Variants in ERICH6 observed in about 807,000 individuals in gnomAD.
ERICH6 encodes the protein glutamate rich 6.
A neutral mutation model predicts 71.0 loss-of-function variants in ERICH6; 71 were observed. The ratio of observed to expected loss-of-function variants is 1.00; its 90% CI spans 0.83 to 1.22. ERICH6 has a LOEUF of 1.22. ERICH6 is among the 50% of genes most tolerant of loss of function. The pLI is 0.00. For missense variants in ERICH6, 808 were observed against 797.2 expected (o/e 1.01, Z -0.16); for synonymous variants, 262 against 278.4 (o/e 0.94, Z 0.59).
intron 3 of ERICH6, among the ~76,000 whole-genome samples, chr3:150,692,039 C>T (rs1712459367): frequency 6.6e-6 from 1 of 152,146 alleles, no homozygotes; most frequent in Non-Finnish European, 1.5e-5. Flanking sequence ...TTCAGTTTCT[C>T]TTTAATCATC....
chr3:150,671,122 G>A (rs988358462), intron 11 of ERICH6, among the ~76,000 whole-genome samples: 1 of 152,006 alleles, frequency 6.6e-6, no homozygotes, highest in Non-Finnish European at 1.5e-5. Context: ...TTTTAGGTCA[G>A]GTAAATTATT....
At position 150,694,001 on chromosome 3, in the gene ERICH6, C is replaced by T. The variant is rs530730478; in HGVS notation, c.553+4790G>A. On this transcript the variant is annotated intron_variant, in intron 3 of 13. Transcript: ENST00000295910. Reference sequence around the variant, plus strand: ...GAAGAAAATAACAACAACCTATTTACATACATAAGCCACTTTCATACCTGC... The same window carrying T: ...GAAGAAAATAACAACAACCTATTTATATACATAAGCCACTTTCATACCTGC... Among the ~76,000 whole-genome samples, 46 of 152,268 alleles carry T rather than the reference C, an allele frequency of 3.0e-4. 1 individual carries two copies. Among genetic ancestry groups the T allele is most frequent in the African/African-American group, 1.1e-3 (45 of 41,560 alleles).
chr3:150,663,017 G>A (rs982385889), intron 13 of ERICH6, among the ~76,000 whole-genome samples: 3 of 152,132 alleles, frequency 2.0e-5, no homozygotes, highest in African/African-American at 7.2e-5. Flanking sequence ...CAGAGAAAGA[G>A]GTCCAGATTG....
chr3:150,683,515 G>C (rs903654162), intron 6 of ERICH6, among the ~76,000 whole-genome samples: 6 of 152,024 alleles, frequency 3.9e-5, no homozygotes, highest in African/African-American at 1.2e-4. Flanking sequence ...CTGTAATCCC[G>C]CACTTTGGGA....
Position 150,669,471 on chromosome 3 carries a change from T to C in ERICH6, c.1344-20A>G, listed in dbSNP as rs755663375. The C allele has an allele frequency of 1.2e-6, 2 of 1,609,432 alleles. No individual in the cohort carries two copies. The highest frequency in any genetic ancestry group is 2.2e-5 in the East Asian group (1 of 44,796). ...GGATAGCTGAGATCAGATAAGGTCATATAAATTGTTCTAATGCTCCTTGAC... is the reference window on the plus strand; with the variant it reads ...GGATAGCTGAGATCAGATAAGGTCACATAAATTGTTCTAATGCTCCTTGAC... On this transcript the variant is annotated intron_variant, in intron 11 of 13. Coordinates refer to ENST00000295910, the MANE Select transcript of ERICH6 (RefSeq NM_152394.5).
intron 3 of ERICH6, among the ~76,000 whole-genome samples, chr3:150,690,957 G>A (rs1712409209): frequency 6.6e-6 from 1 of 152,172 alleles, no homozygotes; most frequent in Admixed American, 6.6e-5. Flanking sequence ...CAGGCAGTGA[G>A]GTTTGTTTTG....
intron 3 of ERICH6, among the ~76,000 whole-genome samples, chr3:150,686,942 G>T (rs1412386247): frequency 2.0e-5 from 3 of 152,144 alleles, no homozygotes; most frequent in Non-Finnish European, 4.4e-5. Flanking sequence ...AGGCCAAGGC[G>T]GGTGGATCAC....
intron 10 of ERICH6, among the ~76,000 whole-genome samples, chr3:150,675,765 G>A (rs566901324): frequency 6.6e-6 from 1 of 150,814 alleles, no homozygotes; most frequent in Non-Finnish European, 1.5e-5. Flanking sequence ...TATTGTTGCT[G>A]TTGGGAGGTC....
At chr3:150,660,466 C>T (rs1282450296) in intron 13 of ERICH6, among the ~76,000 whole-genome samples, 2 of 152,216 alleles carry the variant, frequency 1.3e-5, no homozygotes, top group East Asian at 3.9e-4. Context: ...CTGGAAAGTA[C>T]CCAGTGGGGG....
chr3:150,679,756 C>T (rs1268516492), intron 9 of ERICH6, among the ~76,000 whole-genome samples: 1 of 152,114 alleles, frequency 6.6e-6, no homozygotes. Flanking sequence ...CTCCCAGGTT[C>T]AGGTGATTCT....
intron 3 of ERICH6, among the ~76,000 whole-genome samples, chr3:150,694,222 C>T (rs1712567405): frequency 6.6e-6 from 1 of 151,948 alleles, no homozygotes; most frequent in African/African-American, 2.4e-5. Flanking sequence ...TTCTAAAATG[C>T]TTTCTCTGAA....
chr3:150,669,251 G>A (rs1416748858), intron 12 of ERICH6, 45 bp downstream of exon 12: 1 of 1,543,608 alleles, frequency 6.5e-7, no homozygotes, highest in Non-Finnish European at 8.7e-7. Context: ...AAATTTCCCA[G>A]AACAAAAGCC....
chr3:150,678,701 T>G lies in ERICH6; in HGVS notation c.1112-147A>C, dbSNP rs903528406. Reference sequence around the variant, plus strand: ...AAATTTTTCATCATCTTTAAAAATTTTATTATTCCCCCTTGTCAAAAAATG... The same window carrying G: ...AAATTTTTCATCATCTTTAAAAATTGTATTATTCCCCCTTGTCAAAAAATG... On this transcript the variant is annotated intron_variant, in intron 9 of 13. Transcript: ENST00000295910. The G allele has an allele frequency of 1.3e-5, 8 of 639,394 alleles. No individual in the cohort carries two copies. The African/African-American group carries it at 1.4e-4, about 11-fold the overall frequency. 39.6% of individuals were successfully genotyped at this position (639,394 alleles called of 1,614,324 possible). A position where few individuals can be genotyped will look rare whatever the true frequency, so the allele number is the denominator to read the frequency against.
At chr3:150,688,792 G>T (rs555555683) in intron 3 of ERICH6, among the ~76,000 whole-genome samples, 21 of 152,194 alleles carry the variant, frequency 1.4e-4, no homozygotes, top group Non-Finnish European at 2.8e-4. Context: ...CGCCTTTCCA[G>T]ACGAAACCAA....
At chr3:150,703,463 A>C (rs932711196) in intron 1 of ERICH6, 33 bp downstream of exon 1, 3 of 1,530,586 alleles carry the variant, frequency 2.0e-6, no homozygotes, top group South Asian at 2.5e-5. Context: ...GAGACGAGAA[A>C]CCCTCGAGGA....
chr3:150,674,251 C>T (rs899963908), intron 10 of ERICH6, among the ~76,000 whole-genome samples: 1 of 151,942 alleles, frequency 6.6e-6, no homozygotes, highest in Non-Finnish European at 1.5e-5. Flanking sequence ...AAAAATCCTT[C>T]TGGTAGAAAT....
At chr3:150,663,795 C>T (rs1231179382) in intron 13 of ERICH6, among the ~76,000 whole-genome samples, 1 of 151,748 alleles carries the variant, frequency 6.6e-6, no homozygotes, top group Middle Eastern at 3.4e-3. Flanking sequence ...TTTTTCATGC[C>T]CCCTTAGAAA....
intron 2 of ERICH6, among the ~76,000 whole-genome samples, chr3:150,699,945 A>T (rs1325064613): frequency 6.6e-6 from 1 of 152,208 alleles, no homozygotes; most frequent in African/African-American, 2.4e-5. Flanking sequence ...GTCCAACAGC[A>T]TCTAGGAGGA....
At chr3:150,692,152 G>T (rs147074035) in intron 3 of ERICH6, among the ~76,000 whole-genome samples, 1 of 151,988 alleles carries the variant, frequency 6.6e-6, no homozygotes, top group Non-Finnish European at 1.5e-5. Context: ...AGGTGATAAA[G>T]GTTATAAAAA....
Sources: gnomAD v4.1 joint callset for allele counts (sites outside exome capture counted in the v4.1 genomes callset) on GRCh38, gnomAD v4.1.1 for gene constraint, MANE v1.5 for transcripts, NCBI Gene and HGNC (gene_info 2026-07-23, HGNC 2026-07-21) for gene names.